The following ZNHIT3 variants were observed in gnomAD, a reference collection of about 807,000 sequenced individuals.
ZNHIT3 encodes zinc finger HIT domain-containing protein 3.
ZNHIT3 carries 27 observed loss-of-function variants against 19.9 expected under a neutral mutation model. The observed-to-expected ratio is 1.36, with a 90% CI of 1.00 to 1.87. The LOEUF is 1.87. Among genes scored for constraint, ZNHIT3 ranks in the 40% most tolerant of loss-of-function variants. ZNHIT3 has a pLI of 0.00. For missense variants in ZNHIT3, 215 were observed against 185.6 expected (o/e 1.16, Z -0.92); for synonymous variants, 81 against 65.7 (o/e 1.23, Z -1.13).
Position 36,486,923 on chromosome 17 carries a change from CTGT to C in ZNHIT3, c.87-7_87-5del, listed in dbSNP as rs762144332. The stretch of plus-strand genomic sequence containing the variant: ...TCGGGGCTGACGCGGCCTGTGGCCT[CTGT>C]TGTTACAGCTGCTCGGTAGTCTGCT... On this transcript the variant is annotated splice_polypyrimidine_tract_variant and intron_variant, in intron 1 of 4. Coordinates refer to ENST00000617429, the MANE Select transcript of ZNHIT3 (RefSeq NM_004773.4). The C allele has an allele frequency of 3.7e-6, 6 of 1,609,222 alleles. No individual in the cohort carries two copies. The highest frequency in any genetic ancestry group is 5.1e-6 in the Non-Finnish European group (6 of 1,178,838).
At position 36,495,706 on chromosome 17, in the gene ZNHIT3, T is replaced by G; in HGVS notation, c.*302T>G. 1 of 1,256,584 alleles carries G rather than the reference T, an allele frequency of 8.0e-7. No individual in the cohort carries two copies. Among genetic ancestry groups the G allele is most frequent in the Non-Finnish European group, 1.0e-6 (1 of 1,002,646 alleles). 77.8% of individuals were successfully genotyped at this position (1,256,584 alleles called of 1,614,324 possible). On this transcript the variant is annotated 3_prime_UTR_variant, in exon 5 of 5. Coordinates refer to ENST00000617429, the MANE Select transcript of ZNHIT3 (RefSeq NM_004773.4). ...AACGATATCAAGCTTACACTTCATATGGAGTTAAACTTGGTCAGTGTTAAT... is the reference window on the plus strand; with the variant it reads ...AACGATATCAAGCTTACACTTCATAGGGAGTTAAACTTGGTCAGTGTTAAT...
downstream of ZNHIT3, chr17:36,498,474 G>C: frequency 6.2e-7 from 1 of 1,614,066 alleles, no homozygotes; most frequent in South Asian, 1.1e-5. Flanking sequence ...CTGCAGCGGC[G>C]AGGTGCTCAG....
chr17:36,490,891 C>G (rs1354684113), intron 2 of ZNHIT3: 2 of 152,220 alleles, frequency 1.3e-5, no homozygotes, highest in African/African-American at 4.8e-5. Flanking sequence ...GTGGTGCTCA[C>G]TATAGCCTTG....
chr17:36,496,385 T>C, downstream of ZNHIT3: 1 of 1,614,020 alleles, frequency 6.2e-7, no homozygotes, highest in Non-Finnish European at 8.5e-7. Context: ...GGAGACTTTC[T>C]GCAGTGAAAC....
intron 3 of ZNHIT3, 53 bp downstream of exon 3, chr17:36,492,952 C>CTAAAG: frequency 6.4e-7 from 1 of 1,553,436 alleles, no homozygotes. Flanking sequence ...TAGAATAAGT[C>CTAAAG]GAAGGAAAAG....
downstream of ZNHIT3, chr17:36,496,068 G>A: frequency 3.4e-6 from 3 of 890,044 alleles, no homozygotes; most frequent in Non-Finnish European, 5.0e-6. Flanking sequence ...GCTTGATGTA[G>A]CCTGGAACCC....
chr17:36,495,656 T>G lies in ZNHIT3; in HGVS notation c.*252T>G. ...GATGATTGTTTTTAAATGTTTTACT[T>G]TTGGTACAGTTGATAGACATCATAA... On this transcript the variant is annotated 3_prime_UTR_variant, in exon 5 of 5. Coordinates refer to ENST00000617429, the MANE Select transcript of ZNHIT3 (RefSeq NM_004773.4). 2 of 1,289,202 alleles carry G rather than the reference T, an allele frequency of 1.6e-6. No individual in the cohort carries two copies. Among genetic ancestry groups the G allele is most frequent in the Non-Finnish European group, 9.8e-7 (1 of 1,021,912 alleles). 79.9% of individuals were successfully genotyped at this position (1,289,202 alleles called of 1,614,324 possible).
chr17:36,492,118 C>T (rs1464736645), intron 2 of ZNHIT3: 3 of 152,274 alleles, frequency 2.0e-5, no homozygotes, highest in African/African-American at 4.8e-5. Flanking sequence ...TTTTAAGTCT[C>T]TACAATCTGG....
downstream of ZNHIT3, chr17:36,498,961 A>G: frequency 1.2e-6 from 1 of 804,474 alleles, no homozygotes; most frequent in Admixed American, 2.1e-5. Flanking sequence ...GAGAGGCTAA[A>G]CAACCTGCCC....
At chr17:36,497,160 T>C (rs2142624826), downstream of ZNHIT3, among the ~76,000 whole-genome samples, 1 of 145,250 alleles carries the variant, frequency 6.9e-6, no homozygotes, top group African/African-American at 2.5e-5. Context: ...CGAAACCCCG[T>C]CTCTATTAAA....
Position 36,486,941 on chromosome 17 carries a change from G to C in ZNHIT3, c.93G>C (p.Ser31=). The C allele has an allele frequency of 1.2e-6, 2 of 1,611,388 alleles. No homozygotes were observed. The highest frequency in any genetic ancestry group is 1.7e-6 in the Non-Finnish European group (2 of 1,179,506). ...RCPACRVPYC[S]VVCFRKHKEQ... Reference sequence around the variant, plus strand: ...GTGGCCTCTGTTGTTACAGCTGCTCGGTAGTCTGCTTCCGGAAGCACAAAG... The same window carrying C: ...GTGGCCTCTGTTGTTACAGCTGCTCCGTAGTCTGCTTCCGGAAGCACAAAG... The change falls in exon 2 of 5, where the codon TCG becomes TCC. Residue 31 remains serine, a synonymous_variant. Coordinates refer to ENST00000617429, the MANE Select transcript of ZNHIT3 (RefSeq NM_004773.4).
intron 2 of ZNHIT3, chr17:36,492,564 T>C: frequency 2.0e-6 from 1 of 493,118 alleles, no homozygotes; most frequent in South Asian, 3.3e-5. Flanking sequence ...TTTTGTAAGA[T>C]TCGGCAGGGT....
At chr17:36,491,479 C>G (rs1012888667) in intron 2 of ZNHIT3, 3 of 152,062 alleles carry the variant, frequency 2.0e-5, no homozygotes, top group Admixed American at 6.6e-5. Flanking sequence ...CAAACTTTAT[C>G]TATTTTTCGT....
In ZNHIT3 at chr17:36,492,952, C is replaced by CAAAAG. The variant is rs1555564490; in HGVS notation, c.205+53_205+54insAAAAG. ...ACAAGGGACTTCACATAGAATAAGTCGAAGGAAAAGGGGAGAGTGGGGCTG... is the reference window on the plus strand; with the variant it reads ...ACAAGGGACTTCACATAGAATAAGTCAAAAGGAAGGAAAAGGGGAGAGTGGGGCTG... On this transcript the variant is annotated intron_variant, in intron 3 of 4. Transcript: ENST00000617429. 18 of 1,553,430 alleles carry CAAAAG rather than the reference C, an allele frequency of 1.2e-5. No individual in the cohort carries two copies. In the African/African-American group the frequency reaches 1.4e-4, roughly 12 times the overall value.
At position 36,486,859 on chromosome 17, in the gene ZNHIT3, G is replaced by A. The variant is rs1246218478; in HGVS notation, c.86+74G>A. The A allele has an allele frequency of 4.4e-6, 7 of 1,588,610 alleles. No homozygotes were observed. In the Admixed American group the frequency reaches 1.1e-4, roughly 24 times the overall value. On this transcript the variant is annotated intron_variant, in intron 1 of 4. Transcript: ENST00000617429. ...CGGGAGGGCGGGAGGCCGGGAGGCC[G>A]GGCGGGAGCGGGCGGGCTGCTGGAG...
In ZNHIT3 at chr17:36,495,679, T is replaced by TA; in HGVS notation, c.*278dup. On this transcript the variant is annotated 3_prime_UTR_variant, in exon 5 of 5. Transcript: ENST00000617429. ...CTTTTGGTACAGTTGATAGACATCA[T>TA]AAACGATATCAAGCTTACACTTCAT... The TA allele has an allele frequency of 1.3e-5, 17 of 1,270,336 alleles. No individual in the cohort carries two copies. Among genetic ancestry groups the TA allele is most frequent in the Non-Finnish European group, 1.7e-5 (17 of 1,010,830 alleles). The allele number at this position is 1,270,336 out of a possible 1,614,324, so 78.7% of individuals were successfully genotyped here.
At chr17:36,495,089 T>C in intron 4 of ZNHIT3, 134 bp from the exon 5 acceptor site, 1 of 1,093,178 alleles carries the variant, frequency 9.1e-7, no homozygotes, top group Non-Finnish European at 1.3e-6. Context: ...CCTCCCCAGT[T>C]GCTGGTATTA....
intron 2 of ZNHIT3, chr17:36,490,558 G>C (rs190920115): frequency 1.3e-5 from 2 of 152,056 alleles, no homozygotes; most frequent in Admixed American, 6.5e-5. Flanking sequence ...GATTGCTTTG[G>C]CTATTGGGGG....
At chr17:36,498,825 T>G (rs2071238308), downstream of ZNHIT3, 4 of 593,900 alleles carry the variant, frequency 6.7e-6, no homozygotes, top group East Asian at 8.4e-5. Flanking sequence ...AAACCCAGTC[T>G]TCTAAAGTGT....
Sources: allele counts gnomAD v4.1 joint callset (sites outside exome capture counted in the v4.1 genomes callset), GRCh38; gene constraint gnomAD v4.1.1; transcripts MANE v1.5; gene names NCBI Gene and HGNC (gene_info 2026-07-23, HGNC 2026-07-21).